Variants in PLK1 observed in about 807,000 individuals in gnomAD.
PLK1 encodes polo like kinase 1.
In PLK1, 6 loss-of-function variants were observed where a neutral mutation model predicts 56.7. The observed-to-expected ratio is 0.11, with a 90% CI of 0.06 to 0.21. The LOEUF (loss-of-function observed/expected upper bound fraction) is 0.21. Among genes scored for constraint, PLK1 ranks in the 10% least tolerant of loss-of-function variants. PLK1 has a pLI of 1.00. For synonymous variants in PLK1, 298 were observed against 325.0 expected (o/e 0.92, Z 0.89); for missense variants, 546 against 814.4 (o/e 0.67, Z 4.01).
rs755981107 is a variant in PLK1, at chr16:23,689,293, C to T, written c.1326C>T (p.Leu442=). 6.2e-7 allele frequency: 1 copy of T among 1,613,900 alleles called. No individual in the cohort carries two copies. Among genetic ancestry groups the T allele is most frequent in the Admixed American group, 1.7e-5 (1 of 60,014 alleles). Residue 442 remains leucine, a synonymous_variant, in exon 8 of 10, where the codon CTC becomes CTT. Transcript: ENST00000300093. This position sits in a 1 kb window ranked among gnomAD's most constrained non-coding sequence, Gnocchi z 4.8. ...VGVLFNDSTR[L]ILYNDGDSLQ... Reference sequence around the variant, plus strand: ...TGCTCTTCAATGACTCAACACGCCTCATCCTCTACAATGATGGTGACAGCC... The same window carrying T: ...TGCTCTTCAATGACTCAACACGCCTTATCCTCTACAATGATGGTGACAGCC...
Position 23,689,921 on chromosome 16 carries a change from G to A in PLK1, c.1670G>A (p.Arg557Gln), listed in dbSNP as rs780546109. Residue 557 changes from arginine to glutamine, a missense_variant, in exon 10 of 10, where the codon CGG becomes CAG. Arg to Gln is a conservative substitution (Grantham distance 43). This residue lies in a region of PLK1 where 72 missense variants were observed against 77.9 expected (regional missense o/e 0.92). Transcript: ENST00000300093. The surrounding 1 kb of genome is among the most constrained non-coding windows in gnomAD (Gnocchi z 4.8). Reference sequence around the variant, plus strand: ...GCCGTGACCTACATCGACGAGAAGCGGGACTTCCGCACATACCGCCTGAGT... The same window carrying A: ...GCCGTGACCTACATCGACGAGAAGCAGGACTTCCGCACATACCGCCTGAGT... ...MAAVTYIDEK[R>Q]DFRTYRLSLL... 5.6e-6 allele frequency: 9 copies of A among 1,614,084 alleles called. No homozygotes were observed. The highest frequency in any genetic ancestry group is 3.3e-5 in the South Asian group (3 of 91,082).
At chr16:23,684,178 G>T (rs1231875220) in intron 5 of PLK1, 89 bp downstream of exon 5, 7 of 997,008 alleles carry the variant, frequency 7.0e-6, no homozygotes, top group Non-Finnish European at 1.1e-5. Context: ...GGCCCTGAGA[G>T]CTCAGGTGTG....
rs1410755198 is a variant in PLK1 at position 23,689,696 on chromosome 16, G to C, written c.1608+20G>C. ...TTCCAGGTGAGCTGGAGGTCACCAG[G>C]CGCAGGAGAGAGCTGGGGTAGGCTC... On this transcript the variant is annotated intron_variant, in intron 9 of 9. Coordinates refer to ENST00000300093, the MANE Select transcript of PLK1 (RefSeq NM_005030.6). The surrounding 1 kb of genome is among the most constrained non-coding windows in gnomAD (Gnocchi z 4.8). The C allele has an allele frequency of 6.3e-7, 1 of 1,588,602 alleles. No individual in the cohort carries two copies. Among genetic ancestry groups the C allele is most frequent in the Non-Finnish European group, 8.6e-7 (1 of 1,166,814 alleles).
At chr16:23,681,358 A>G (rs1959328223) in intron 3 of PLK1, among the ~76,000 whole-genome samples, 1 of 152,200 alleles carries the variant, frequency 6.6e-6, no homozygotes, top group Non-Finnish European at 1.5e-5. Context: ...TCATCTGGGA[A>G]CTTGTATACA....
rs764707657 is a variant in PLK1, at chr16:23,690,170, C to T, written c.*107C>T. 48 of 852,822 alleles carry T rather than the reference C, an allele frequency of 5.6e-5. No homozygotes were observed. The highest frequency in any genetic ancestry group is 3.2e-4 in the East Asian group (13 of 40,698). The allele number at this position is 852,822 out of a possible 1,614,324, so 52.8% of individuals were successfully genotyped here. A position where few individuals can be genotyped will look rare whatever the true frequency, so the allele number is the denominator to read the frequency against. On this transcript the variant is annotated 3_prime_UTR_variant, in exon 10 of 10. Coordinates refer to ENST00000300093, the MANE Select transcript of PLK1 (RefSeq NM_005030.6). ...ATGTCTGCAGTGTGCCCCCCAGCCC[C>T]GGTGGCTGGGCAGAGCTGCATCATC...
chr16:23,681,017 GCA>G lies in PLK1; in HGVS notation c.684_685del (p.His228GlnfsTer24). ...IAPEVLSKKG[H>X]SFEVDVWSIG... ...CTCCCGAGGTGCTGAGCAAGAAAGG[GCA>G]CAGTTTCGAGGTGGATGTGTGGTCC... On this transcript the variant is annotated frameshift_variant, in exon 3 of 10. Transcript: ENST00000300093. LOFTEE classifies it high-confidence loss of function. 6.2e-7 allele frequency: 1 copy of G among 1,613,216 alleles called. No homozygotes were observed. Among genetic ancestry groups the G allele is most frequent in the Non-Finnish European group, 8.5e-7 (1 of 1,179,674 alleles).
In PLK1 at chr16:23,689,267, G is replaced by T; in HGVS notation, c.1300G>T (p.Val434Leu). The T allele has an allele frequency of 1.2e-6, 2 of 1,613,586 alleles. No individual in the cohort carries two copies. The highest frequency in any genetic ancestry group is 1.7e-6 in the Non-Finnish European group (2 of 1,179,664). The change falls in exon 8 of 10, where the codon GTG (valine) becomes TTG (leucine). Residue 434 changes from valine (V) to leucine (L), a missense_variant. Val to Leu is a conservative substitution (Grantham distance 32, BLOSUM62 1). Around this residue, in one of 7 missense-constraint regions of PLK1, gnomAD observed 113 missense variants for 202.0 expected, o/e 0.56. Coordinates refer to ENST00000300093, the MANE Select transcript of PLK1 (RefSeq NM_005030.6). This position sits in a 1 kb window ranked among gnomAD's most constrained non-coding sequence, Gnocchi z 4.8. ...TCAGCTCTGTGATAACAGCGTGGGG[G>T]TGCTCTTCAATGACTCAACACGCCT... ...GYQLCDNSVGVLFNDSTRLIL... is the reference protein window; with the variant it reads ...GYQLCDNSVGLLFNDSTRLIL...
intron 5 of PLK1, chr16:23,686,959 C>T (rs1330827498): frequency 1.3e-5 from 2 of 152,184 alleles, no homozygotes; most frequent in East Asian, 3.8e-4. Flanking sequence ...TAAGAATAAT[C>T]TGTGTTTCTA....
Position 23,689,622 on chromosome 16 carries a change from C to T in PLK1, c.1554C>T (p.Arg518=). ...ACCTACGGACCTGGTTCCGCACCCG[C>T]AGCGCCATCATCCTGCACCTCAGCA... ...LPYLRTWFRT[R]SAIILHLSNG... The change falls in exon 9 of 10, where the codon CGC becomes CGT. Residue 518 remains arginine, a synonymous_variant. Transcript: ENST00000300093. The surrounding 1 kb of genome is among the most constrained non-coding windows in gnomAD (Gnocchi z 4.8). 1 of 1,612,856 alleles carries T rather than the reference C, an allele frequency of 6.2e-7. No individual in the cohort carries two copies. Among genetic ancestry groups the T allele is most frequent in the Non-Finnish European group, 8.5e-7 (1 of 1,179,830 alleles).
chr16:23,690,100 T>A lies in PLK1; in HGVS notation c.*37T>A, dbSNP rs1959521354. The A allele has an allele frequency of 1.3e-6, 2 of 1,514,694 alleles. No homozygotes were observed. Among genetic ancestry groups the A allele is most frequent in the Admixed American group, 1.7e-5 (1 of 59,380 alleles). The allele number at this position is 1,514,694 out of a possible 1,614,324, so 93.8% of individuals were successfully genotyped here. A position where few individuals can be genotyped will look rare whatever the true frequency, so the allele number is the denominator to read the frequency against. ...CCCTCCGGACTGGTGCCCTCCTCAC[T>A]CCCACCTGCATCTGGGGCCCATACT... On this transcript the variant is annotated 3_prime_UTR_variant, in exon 10 of 10. Transcript: ENST00000300093.
intron 3 of PLK1, 27 bp downstream of exon 3, chr16:23,681,085 A>G (rs758721017): frequency 1.2e-5 from 19 of 1,605,456 alleles, no homozygotes; most frequent in Admixed American, 1.7e-5. Flanking sequence ...CTCTGGACCA[A>G]CCTGGTCTCA....
Position 23,684,012 on chromosome 16 carries a change from C to T in PLK1, c.959C>T (p.Thr320Ile), listed in dbSNP as rs1224974758. 2.5e-6 allele frequency: 4 copies of T among 1,614,084 alleles called. No homozygotes were observed. Among genetic ancestry groups the T allele is most frequent in the Non-Finnish European group, 3.4e-6 (4 of 1,180,040 alleles). The change falls in exon 5 of 10, where the codon ACC becomes ATC. Residue 320 changes from threonine (T) to isoleucine (I), a missense_variant. By Grantham distance (89) the Thr-to-Ile change is moderately conservative. Coordinates refer to ENST00000300093, the MANE Select transcript of PLK1 (RefSeq NM_005030.6). The part of the protein sequence containing the change: ...IPARLPITCL[T>I]IPPRFSIAPS... ...GCCCGTCTCCCCATCACCTGCCTGACCATTCCACCAAGGTTTTCGATTGCT... is the reference window on the plus strand; with the variant it reads ...GCCCGTCTCCCCATCACCTGCCTGATCATTCCACCAAGGTTTTCGATTGCT...
rs752396139 is a variant in PLK1 at position 23,689,418 on chromosome 16, G to A, written c.1425+26G>A. ...GTGAGTGCCGTCCGGCCCATGGGGG[G>A]TGGTGTTGCAGAAGTGGGACCTGTG... On this transcript the variant is annotated intron_variant, in intron 8 of 9. Transcript: ENST00000300093. The surrounding 1 kb of genome is among the most constrained non-coding windows in gnomAD (Gnocchi z 4.8). 11 of 1,602,234 alleles carry A rather than the reference G, an allele frequency of 6.9e-6. No individual in the cohort carries two copies. In the South Asian group the frequency reaches 1.2e-4, roughly 18 times the overall value.
chr16:23,687,713 C>T lies in PLK1; in HGVS notation c.1192+89C>T, dbSNP rs1959451862. ...GGCTTGGCCAACAAAGCACTGGTGACTTGTTCAGGCCCTGTCTGCATAGGA... is the reference window on the plus strand; with the variant it reads ...GGCTTGGCCAACAAAGCACTGGTGATTTGTTCAGGCCCTGTCTGCATAGGA... On this transcript the variant is annotated intron_variant, in intron 6 of 9. Transcript: ENST00000300093. 10 of 948,170 alleles carry T rather than the reference C, an allele frequency of 1.1e-5. No homozygotes were observed. The South Asian group carries it at 1.7e-4, about 17-fold the overall frequency. 58.7% of individuals were successfully genotyped at this position (948,170 alleles called of 1,614,324 possible).
chr16:23,689,894 CAGCCGTGACCT>C lies in PLK1; in HGVS notation c.1645_1655del (p.Ala549HisfsTer128). The C allele has an allele frequency of 6.2e-7, 1 of 1,614,062 alleles. No homozygotes were observed. The highest frequency in any genetic ancestry group is 8.5e-7 in the Non-Finnish European group (1 of 1,179,926). ...AAGCTCATCTTGTGCCCACTGATGG[CAGCCGTGACCT>C]ACATCGACGAGAAGCGGGACTTCCG... On this transcript the variant is annotated frameshift_variant, in exon 10 of 10. Transcript: ENST00000300093. LOFTEE classifies it high-confidence loss of function. This position sits in a 1 kb window ranked among gnomAD's most constrained non-coding sequence, Gnocchi z 4.8.
chr16:23,679,435 C>G, intron 1 of PLK1, 95 bp downstream of exon 1: 1 of 1,228,456 alleles, frequency 8.1e-7, no homozygotes, highest in Non-Finnish European at 1.1e-6. Flanking sequence ...AAGGGAGAGC[C>G]TGGGACTTGG....
intron 1 of PLK1, 153 bp downstream of exon 1, chr16:23,679,493 T>C: frequency 1.5e-6 from 1 of 675,654 alleles, no homozygotes; most frequent in Non-Finnish European, 2.4e-6. Context: ...GTATGGAAAG[T>C]GTCTTTGGTA....
rs1257642556 is a variant in PLK1, at chr16:23,679,144, C to T, written c.212C>T (p.Ser71Leu). 3 of 1,613,054 alleles carry T rather than the reference C, an allele frequency of 1.9e-6. No homozygotes were observed. Among genetic ancestry groups the T allele is most frequent in the African/African-American group, 2.7e-5 (2 of 74,912 alleles). The change falls in exon 1 of 10, where the codon TCG becomes TTG. Residue 71 changes from serine to leucine, a missense_variant. By Grantham distance (145) the Ser-to-Leu change is moderately radical (BLOSUM62 -2). Around this residue, in one of 7 missense-constraint regions of PLK1, gnomAD observed 111 missense variants for 211.8 expected, o/e 0.52. Transcript: ENST00000300093. ...KGGFAKCFEI[S>L]DADTKEVFAG... is the part of the protein sequence containing the mutation. ...GGCTTTGCCAAGTGCTTCGAGATCT[C>T]GGACGCGGACACCAAGGAGGTGTTC...
At chr16:23,679,783 G>A (rs1232575266) in intron 1 of PLK1, 2 of 327,168 alleles carry the variant, frequency 6.1e-6, no homozygotes, top group African/African-American at 4.2e-5. Flanking sequence ...ATCTGGTGCT[G>A]GGGACTCGGA....
Sources: allele counts gnomAD v4.1 joint callset (sites outside exome capture counted in the v4.1 genomes callset), GRCh38; gene constraint gnomAD v4.1.1; regional missense constraint gnomAD v4.1.1; non-coding constraint Gnocchi (gnomAD v3.1); transcripts MANE v1.5; gene names NCBI Gene and HGNC (gene_info 2026-07-23, HGNC 2026-07-21).